The following OPRK1 variants were observed in gnomAD, a reference collection of about 807,000 sequenced individuals.
The protein encoded by OPRK1 is opioid receptor kappa 1.
Under a neutral mutation model 24.5 loss-of-function variants are expected in OPRK1, and 15 were observed. That is an observed-to-expected ratio of 0.61 (90% CI 0.41 to 0.94). OPRK1 has a LOEUF of 0.94. Among genes scored for constraint, OPRK1 ranks in the 40% least tolerant of loss-of-function variants. OPRK1 has a pLI of 0.00. For synonymous variants in OPRK1, 205 were observed against 198.0 expected (o/e 1.04, Z -0.30); for missense variants, 479 against 507.3 (o/e 0.94, Z 0.54).
At chr8:53,247,919 A>G (rs1021576570) in intron 2 of OPRK1, among the ~76,000 whole-genome samples, 4 of 136,992 alleles carry the variant, frequency 2.9e-5, no homozygotes, top group African/African-American at 8.2e-5. Context: ...TGAGCCTGGG[A>G]GGCAGAGGTT....
chr8:53,229,027 C>T lies in OPRK1; in HGVS notation c.*270G>A. On this transcript the variant is annotated 3_prime_UTR_variant, in exon 4 of 4. Transcript: ENST00000265572. ...TACCTAGCAAACCAGAAGGAAAAGA[C>T]CTGTTCCCTTGTTCATCAGAGGAAC... 2 of 361,612 alleles carry T rather than the reference C, an allele frequency of 5.5e-6. No homozygotes were observed. The highest frequency in any genetic ancestry group is 5.0e-6 in the Non-Finnish European group (1 of 199,402). 22.4% of individuals were successfully genotyped at this position (361,612 alleles called of 1,614,324 possible).
intron 2 of OPRK1, chr8:53,238,800 C>T (rs890062990): frequency 9.5e-6 from 7 of 734,340 alleles, no homozygotes; most frequent in Non-Finnish European, 1.2e-5. Context: ...AAAGGTGGCA[C>T]TTGAGAAGGG....
intron 3 of OPRK1, among the ~76,000 whole-genome samples, chr8:53,233,217 C>T (rs560917814): frequency 3.9e-5 from 6 of 152,090 alleles, no homozygotes; most frequent in Admixed American, 1.3e-4. Context: ...ACACATAACC[C>T]GGAGAGTGAG....
rs371148185 is a variant in OPRK1 at position 53,236,060 on chromosome 8, T to C, written c.258-949A>G. ...GAAATATGTTGGGAAAATCCATACG[T>C]TGATTACTTTCTACAGCCTCAGATT... On this transcript the variant is annotated intron_variant, in intron 2 of 3. Transcript: ENST00000265572. 1.1e-3 allele frequency among the ~76,000 whole-genome samples: 174 copies of C among 152,322 alleles called. 1 individual carries two copies. Among genetic ancestry groups the C allele is most frequent in the African/African-American group, 4.1e-3 (171 of 41,572 alleles).
At chr8:53,241,812 T>G (rs1807122028) in intron 2 of OPRK1, among the ~76,000 whole-genome samples, 2 of 152,096 alleles carry the variant, frequency 1.3e-5, no homozygotes, top group African/African-American at 2.4e-5. Context: ...CCCGCGCAGG[T>G]GCAGGCTACC....
At chr8:53,230,841 G>A (rs1328952574) in intron 3 of OPRK1, among the ~76,000 whole-genome samples, 5 of 152,130 alleles carry the variant, frequency 3.3e-5, no homozygotes, top group Non-Finnish European at 7.3e-5. Flanking sequence ...GCAACACCAT[G>A]AGCGTGATTA....
chr8:53,228,456 C>T lies in OPRK1; in HGVS notation c.*841G>A, dbSNP rs1806767082. Reference sequence around the variant, plus strand: ...ACTCAGGGGATATCATTAGTGTGCCCTCAGGAAATTGCCTGGCTGGGAGGC... The same window carrying T: ...ACTCAGGGGATATCATTAGTGTGCCTTCAGGAAATTGCCTGGCTGGGAGGC... On this transcript the variant is annotated 3_prime_UTR_variant, in exon 4 of 4. Transcript: ENST00000265572. 1 of 152,128 alleles carries T rather than the reference C, an allele frequency of 6.6e-6. No individual in the cohort carries two copies. Among genetic ancestry groups the T allele is most frequent in the African/African-American group, 2.4e-5 (1 of 41,424 alleles). 9.4% of individuals were successfully genotyped at this position (152,128 alleles called of 1,614,324 possible).
At chr8:53,232,737 G>T (rs1806886238) in intron 3 of OPRK1, among the ~76,000 whole-genome samples, 1 of 152,160 alleles carries the variant, frequency 6.6e-6, no homozygotes, top group Non-Finnish European at 1.5e-5. Flanking sequence ...TCTCATGGTT[G>T]TCATAATTAT....
intron 3 of OPRK1, among the ~76,000 whole-genome samples, chr8:53,233,718 T>C (rs1263620202): frequency 1.3e-5 from 2 of 152,146 alleles, no homozygotes; most frequent in East Asian, 3.9e-4. Flanking sequence ...ACAGTACCTC[T>C]CACCTTGGCT....
chr8:53,237,271 C>A (rs1426763218), intron 2 of OPRK1, among the ~76,000 whole-genome samples: 1 of 152,144 alleles, frequency 6.6e-6, no homozygotes, highest in East Asian at 1.9e-4. Flanking sequence ...CAGGACCTGA[C>A]ACAAAGAACA....
At chr8:53,250,058 TGAA>T (rs1362077101) in intron 2 of OPRK1, among the ~76,000 whole-genome samples, 6 of 146,880 alleles carry the variant, frequency 4.1e-5, no homozygotes, top group Non-Finnish European at 5.9e-5. Context: ...GAAGTTGACT[TGAA>T]GAAATTTCCA....
chr8:53,245,096 A>T (rs1406324707), intron 2 of OPRK1, among the ~76,000 whole-genome samples: 1 of 152,236 alleles, frequency 6.6e-6, no homozygotes, highest in Non-Finnish European at 1.5e-5. Context: ...GACAAGAAAG[A>T]AAGTCTGTAC....
rs749680637 is a variant in OPRK1, at chr8:53,234,750, T to C, written c.610+9A>G. Reference sequence around the variant, plus strand: ...ATTTTTATGAACAGAATGAAATGACTGCTCTTACCTTCCCTGACTTTGGTG... The same window carrying C: ...ATTTTTATGAACAGAATGAAATGACCGCTCTTACCTTCCCTGACTTTGGTG... On this transcript the variant is annotated intron_variant, in intron 3 of 3. Coordinates refer to ENST00000265572, the MANE Select transcript of OPRK1 (RefSeq NM_000912.5). 12 of 1,598,884 alleles carry C rather than the reference T, an allele frequency of 7.5e-6. No homozygotes were observed. Among genetic ancestry groups the C allele is most frequent in the Admixed American group, 1.7e-5 (1 of 59,482 alleles).
At chr8:53,239,025 A>G (rs1180451949) in intron 2 of OPRK1, among the ~76,000 whole-genome samples, 1 of 152,156 alleles carries the variant, frequency 6.6e-6, no homozygotes, top group African/African-American at 2.4e-5. Context: ...CAATAGTATA[A>G]TAAACCTTTA....
chr8:53,234,995 G>C lies in OPRK1; in HGVS notation c.374C>G (p.Pro125Arg), dbSNP rs199563048. The change falls in exon 3 of 4, where the codon CCT becomes CGT. Residue 125 changes from proline to arginine, a missense_variant. By Grantham distance (103) the Pro-to-Arg change is moderately radical (BLOSUM62 -2). Coordinates refer to ENST00000265572, the MANE Select transcript of OPRK1 (RefSeq NM_000912.5). ...TATCTTGCACAGCACATCCCCAAAAGGCCAGGAATTCATCAAGTAGACCGT... is the reference window on the plus strand; with the variant it reads ...TATCTTGCACAGCACATCCCCAAAACGCCAGGAATTCATCAAGTAGACCGT... ...QSTVYLMNSW[P>R]FGDVLCKIVI... The C allele has an allele frequency of 3.7e-6, 6 of 1,614,082 alleles. No individual in the cohort carries two copies. Among genetic ancestry groups the C allele is most frequent in the Non-Finnish European group, 5.1e-6 (6 of 1,180,052 alleles).
Position 53,247,583 on chromosome 8 carries a change from T to C in OPRK1, c.257+3198A>G, listed in dbSNP as rs187987543. Among the ~76,000 whole-genome samples, 791 of 151,990 alleles carry C rather than the reference T, an allele frequency of 5.2e-3. 8 individuals are homozygous for C. The highest frequency in any genetic ancestry group is 0.018 in the African/African-American group (731 of 41,444). ...GAATGGATGTTTGTGATGTCAGAGGTAGGGCTGCCTCTGGCAGGGCAAAGG... is the reference window on the plus strand; with the variant it reads ...GAATGGATGTTTGTGATGTCAGAGGCAGGGCTGCCTCTGGCAGGGCAAAGG... On this transcript the variant is annotated intron_variant, in intron 2 of 3. Transcript: ENST00000265572.
chr8:53,244,946 A>G (rs1807195774), intron 2 of OPRK1, among the ~76,000 whole-genome samples: 1 of 152,188 alleles, frequency 6.6e-6, no homozygotes, highest in Admixed American at 6.5e-5. Context: ...CCAGTCCCTG[A>G]TATAAAATGA....
At chr8:53,239,152 C>T (rs1807060644) in intron 2 of OPRK1, among the ~76,000 whole-genome samples, 1 of 152,196 alleles carries the variant, frequency 6.6e-6, no homozygotes, top group Non-Finnish European at 1.5e-5. Flanking sequence ...TGCACCCTCT[C>T]TTCCCTCTCC....
At position 53,251,026 on chromosome 8, in the gene OPRK1, C is replaced by A; in HGVS notation, c.12G>T (p.Pro4=). Residue 4 remains proline, a synonymous_variant, in exon 2 of 4, where the codon CCG becomes CCT. Transcript: ENST00000265572. ...CCGGCTCCCCGCGGAAGATCTGGAT[C>A]GGGGAGTCCATGGTGGGGCGATTGC... MDS[P]IQIFRGEPGP... The A allele has an allele frequency of 1.3e-6, 2 of 1,558,420 alleles. No homozygotes were observed. Among genetic ancestry groups the A allele is most frequent in the Non-Finnish European group, 8.6e-7 (1 of 1,156,450 alleles).
Sources: allele counts gnomAD v4.1 joint callset (sites outside exome capture counted in the v4.1 genomes callset), GRCh38; gene constraint gnomAD v4.1.1; transcripts MANE v1.5; gene names NCBI Gene and HGNC (gene_info 2026-07-23, HGNC 2026-07-21).